The following SPDYE16 variants were observed in gnomAD, a reference collection of about 807,000 sequenced individuals.
SPDYE16 encodes the protein speedy/RINGO cell cycle regulator family member E16.
A neutral mutation model predicts 40.1 loss-of-function variants in SPDYE16; 5 were observed. That is an observed-to-expected ratio of 0.12 (90% CI 0.07 to 0.26). The LOEUF (loss-of-function observed/expected upper bound fraction) is 0.26, where lower values mean the gene tolerates loss of function less well. SPDYE16 is among the 10% of genes least tolerant of loss of function. The probability of loss-of-function intolerance (pLI) is 1.00; values close to 1 mark genes in which losing one functional copy is unlikely to be tolerated. For synonymous variants in SPDYE16, 40 were observed against 154.2 expected (o/e 0.26, Z 5.49); for missense variants, 98 against 409.8 (o/e 0.24, Z 6.57).
Position 76,534,389 on chromosome 7 carries a change from C to T in SPDYE16, c.756-270G>A, listed in dbSNP as rs1429304002. ...ATCCCAGCACATTGGGAGGCCAAAGCAGGAGGATCACTTGAGGCCAGGAGT... is the reference window on the plus strand; with the variant it reads ...ATCCCAGCACATTGGGAGGCCAAAGTAGGAGGATCACTTGAGGCCAGGAGT... On this transcript the variant is annotated intron_variant, in intron 6 of 8. Coordinates refer to ENST00000633306, the MANE Select transcript of SPDYE16 (RefSeq NM_001394943.1). 6.9e-5 allele frequency among the ~76,000 whole-genome samples: 6 copies of T among 86,598 alleles called. 3 individuals are homozygous for T. The highest frequency in any genetic ancestry group is 3.8e-4 in the African/African-American group (6 of 15,736). The allele number at this position is 86,598 out of a possible 152,430, so 56.8% of individuals were successfully genotyped here. A position where few individuals can be genotyped will look rare whatever the true frequency, so the allele number is the denominator to read the frequency against.
At chr7:76,534,627 A>AC (rs890294890) in intron 6 of SPDYE16, among the ~76,000 whole-genome samples, 3 of 140,420 alleles carry the variant, frequency 2.1e-5, no homozygotes, top group African/African-American at 8.3e-5. Flanking sequence ...GCGGTGGCAC[A>AC]CCCGTTAGGC....
rs142774055 is a variant in SPDYE16 at position 76,533,994 on chromosome 7, C to T, written c.881G>A (p.Cys294Tyr). Residue 294 changes from cysteine to tyrosine, a missense_variant, in exon 7 of 9, where the codon TGC becomes TAC. Transcript: ENST00000633306. The part of the protein sequence containing the change: ...VRNRRFQLCR[C>Y]MNPRARKNRS... ...GTTCTTCCTGGCCCTCGGGTTCATG[C>T]AACGGCATAACTGGAACCGACGGTT... 9,199 of 1,117,618 alleles carry T rather than the reference C, an allele frequency of 8.2e-3. 2,401 individuals are homozygous for T. In the African/African-American group the frequency reaches 0.19, roughly 24 times the overall value. The allele number at this position is 1,117,618 out of a possible 1,614,324, so 69.2% of individuals were successfully genotyped here. A position where few individuals can be genotyped will look rare whatever the true frequency, so the allele number is the denominator to read the frequency against.
intron 5 of SPDYE16, among the ~76,000 whole-genome samples, chr7:76,536,539 T>G: frequency 1.0e-5 from 1 of 96,592 alleles, no homozygotes; most frequent in Non-Finnish European, 2.1e-5. Context: ...GTCAGGAGGG[T>G]CTTTTGTGTG....
intron 5 of SPDYE16, 58 bp downstream of exon 5, chr7:76,537,435 G>C (rs1254869522): frequency 9.3e-6 from 4 of 431,558 alleles, no homozygotes; most frequent in Non-Finnish European, 1.7e-5. Flanking sequence ...TTTGGAAGCT[G>C]CGCCCTCCCC....
At chr7:76,541,037 G>A (rs1813168004) in intron 2 of SPDYE16, among the ~76,000 whole-genome samples, 1 of 117,048 alleles carries the variant, frequency 8.5e-6, no homozygotes, top group Non-Finnish European at 1.7e-5. Context: ...CTTCCTCCCA[G>A]TCTCAAGTGA....
chr7:76,539,900 C>G (rs1479039858), intron 3 of SPDYE16, among the ~76,000 whole-genome samples: 1 of 117,024 alleles, frequency 8.5e-6, no homozygotes, highest in Non-Finnish European at 1.7e-5. Context: ...GCCACTGCAC[C>G]TGGCCCGAAA....
Position 76,539,591 on chromosome 7 carries a change from A to G in SPDYE16, c.379+537T>C, listed in dbSNP as rs1380401707. ...TGTCTCAGCCTCCCGAGTAGCTGGGATAACAGGCATGCCTGGCTAATTTTT... is the reference window on the plus strand; with the variant it reads ...TGTCTCAGCCTCCCGAGTAGCTGGGGTAACAGGCATGCCTGGCTAATTTTT... On this transcript the variant is annotated intron_variant, in intron 3 of 8. Coordinates refer to ENST00000633306, the MANE Select transcript of SPDYE16 (RefSeq NM_001394943.1). Among the ~76,000 whole-genome samples, 4 of 105,968 alleles carry G rather than the reference A, an allele frequency of 3.8e-5. 1 individual carries two copies. Among genetic ancestry groups the G allele is most frequent in the African/African-American group, 2.0e-4 (4 of 19,664 alleles). The allele number at this position is 105,968 out of a possible 152,430, so 69.5% of individuals were successfully genotyped here.
At position 76,541,475 on chromosome 7, in the gene SPDYE16, A is replaced by G. The variant is rs1813183904; in HGVS notation, c.-16T>C. 6.5e-6 allele frequency: 10 copies of G among 1,533,942 alleles called. No individual in the cohort carries two copies. Among genetic ancestry groups the G allele is most frequent in the Non-Finnish European group, 8.7e-6 (10 of 1,146,476 alleles). ...TTCTGTCCATGGCCTTCTTCTGGACACTGCTAGGATCCAGAAGAGTATGTT... is the reference window on the plus strand; with the variant it reads ...TTCTGTCCATGGCCTTCTTCTGGACGCTGCTAGGATCCAGAAGAGTATGTT... On this transcript the variant is annotated 5_prime_UTR_variant, in exon 2 of 9. Transcript: ENST00000633306.
At position 76,541,228 on chromosome 7, in the gene SPDYE16, G is replaced by A; in HGVS notation, c.160+72C>T. 5 of 1,483,290 alleles carry A rather than the reference G, an allele frequency of 3.4e-6. No individual in the cohort carries two copies. In the South Asian group the frequency reaches 4.0e-5, roughly 12 times the overall value. The allele number at this position is 1,483,290 out of a possible 1,614,324, so 91.9% of individuals were successfully genotyped here. A position where few individuals can be genotyped will look rare whatever the true frequency, so the allele number is the denominator to read the frequency against. The stretch of plus-strand genomic sequence containing the variant: ...CAAAGTGCTGGGGTTACAGGCGTGA[G>A]CCACCGCACCTGGCCCCCTTCCTTC... On this transcript the variant is annotated intron_variant, in intron 2 of 8. Transcript: ENST00000633306.
chr7:76,540,956 CTTCTT>C (rs1184331192), intron 2 of SPDYE16, among the ~76,000 whole-genome samples: 5 of 139,462 alleles, frequency 3.6e-5, no homozygotes, highest in South Asian at 2.2e-4. Flanking sequence ...ACCGCTGACC[CTTCTT>C]TTCTTTTCTT....
Position 76,533,551 on chromosome 7 carries a change from C to T in SPDYE16, c.*45+98G>A, listed in dbSNP as rs1179522012. On this transcript the variant is annotated intron_variant, in intron 8 of 8. Coordinates refer to ENST00000633306, the MANE Select transcript of SPDYE16 (RefSeq NM_001394943.1). ...TTTTGTGGAGAGGGGAATCTCGCCA[C>T]GTTGCCCAGGCTTGAAGCCGGATCA... is the stretch of plus-strand genomic sequence containing the variant. The T allele has an allele frequency of 2.0e-5, 18 of 916,334 alleles. 6 individuals carry two copies. The African/African-American group carries it at 2.2e-4, about 11-fold the overall frequency. 56.8% of individuals were successfully genotyped at this position (916,334 alleles called of 1,614,324 possible). A position where few individuals can be genotyped will look rare whatever the true frequency, so the allele number is the denominator to read the frequency against.
intron 1 of SPDYE16, among the ~76,000 whole-genome samples, 62 bp from the exon 2 acceptor site, chr7:76,541,942 A>G (rs558734846): frequency 6.8e-6 from 1 of 147,400 alleles, no homozygotes; most frequent in Non-Finnish European, 1.5e-5. Flanking sequence ...ATGAAACCTT[A>G]TAAGAGTGAG....
chr7:76,541,276 C>A (rs1584289616), intron 2 of SPDYE16, 24 bp downstream of exon 2: 6 of 1,533,180 alleles, frequency 3.9e-6, no homozygotes, highest in Non-Finnish European at 5.2e-6. Flanking sequence ...CCTATCCCAC[C>A]TCTTCTTCCA....
chr7:76,541,083 C>T (rs1292532660), intron 2 of SPDYE16, among the ~76,000 whole-genome samples: 1 of 124,374 alleles, frequency 8.0e-6, no homozygotes, highest in African/African-American at 3.6e-5. Flanking sequence ...GCTGGGATTA[C>T]AGGTGTGCAC....
Position 76,532,436 on chromosome 7 carries a change from C to A in SPDYE16, c.*404G>T, listed in dbSNP as rs1398742857. The A allele has an allele frequency of 6.1e-6, 1 of 162,714 alleles. No individual in the cohort carries two copies. Among genetic ancestry groups the A allele is most frequent in the Non-Finnish European group, 1.1e-5 (1 of 91,486 alleles). 10.1% of individuals were successfully genotyped at this position (162,714 alleles called of 1,614,324 possible). On this transcript the variant is annotated 3_prime_UTR_variant, in exon 9 of 9. Coordinates refer to ENST00000633306, the MANE Select transcript of SPDYE16 (RefSeq NM_001394943.1). ...GCCAATCTGAGCCCCTGCATTGTGC[C>A]TTCAAATGCTCCTGGACTGTGGCAA...
chr7:76,541,290 G>T lies in SPDYE16; in HGVS notation c.160+10C>A. 2.6e-6 allele frequency: 4 copies of T among 1,533,644 alleles called. No homozygotes were observed. The highest frequency in any genetic ancestry group is 3.5e-6 in the Non-Finnish European group (4 of 1,146,470). On this transcript the variant is annotated intron_variant, in intron 2 of 8. Transcript: ENST00000633306. Reference sequence around the variant, plus strand: ...TCCTATCCCACCTCTTCTTCCACCAGTCCCCTCACCTGATGATCCCAACAC... The same window carrying T: ...TCCTATCCCACCTCTTCTTCCACCATTCCCCTCACCTGATGATCCCAACAC...
In SPDYE16 at chr7:76,542,000, CATGT is replaced by C. The variant is rs1277743568; in HGVS notation, c.-421-124_-421-121del. ...TTATCACGTACAAGAGTGAGATTAT[CATGT>C]ACAAGAGTGAGATTATCATGTACAA... is the stretch of plus-strand genomic sequence containing the variant. On this transcript the variant is annotated intron_variant, in intron 1 of 8. Coordinates refer to ENST00000633306, the MANE Select transcript of SPDYE16 (RefSeq NM_001394943.1). 3.1e-3 allele frequency among the ~76,000 whole-genome samples: 363 copies of C among 115,886 alleles called. 1 individual carries two copies. Among genetic ancestry groups the C allele is most frequent in the African/African-American group, 0.01 (312 of 30,784 alleles). 76.0% of individuals were successfully genotyped at this position (115,886 alleles called of 152,430 possible). A position where few individuals can be genotyped will look rare whatever the true frequency, so the allele number is the denominator to read the frequency against.
intron 4 of SPDYE16, among the ~76,000 whole-genome samples, 156 bp downstream of exon 4, chr7:76,538,430 C>A (rs549340610): frequency 5.0e-4 from 71 of 143,350 alleles, no homozygotes; most frequent in South Asian, 2.1e-3. Context: ...TTTATCATCT[C>A]CTAAGTGTCC....
At position 76,533,571 on chromosome 7, in the gene SPDYE16, G is replaced by A. The variant is rs1172770772; in HGVS notation, c.*45+78C>T. 3.5e-5 allele frequency: 32 copies of A among 917,020 alleles called. 10 individuals are homozygous for A. Among genetic ancestry groups the A allele is most frequent in the East Asian group, 7.1e-5 (2 of 28,326 alleles). 56.8% of individuals were successfully genotyped at this position (917,020 alleles called of 1,614,324 possible). On this transcript the variant is annotated intron_variant, in intron 8 of 8. Coordinates refer to ENST00000633306, the MANE Select transcript of SPDYE16 (RefSeq NM_001394943.1). ...CGCCACGTTGCCCAGGCTTGAAGCCGGATCAAGCAATTGGGTTCCTCGGAT... is the reference window on the plus strand; with the variant it reads ...CGCCACGTTGCCCAGGCTTGAAGCCAGATCAAGCAATTGGGTTCCTCGGAT...
Sources: allele counts gnomAD v4.1 joint callset (sites outside exome capture counted in the v4.1 genomes callset), GRCh38; gene constraint gnomAD v4.1.1; transcripts MANE v1.5; gene names NCBI Gene and HGNC (gene_info 2026-07-23, HGNC 2026-07-21).